Variants in SMOC2 observed in about 807,000 individuals in gnomAD.
The protein encoded by SMOC2 is SPARC related modular calcium binding 2.
In SMOC2, 39 loss-of-function variants were observed where a neutral mutation model predicts 61.4. The observed-to-expected ratio is 0.64, with a 90% CI of 0.49 to 0.83. The LOEUF (loss-of-function observed/expected upper bound fraction) is 0.83. Ranked by LOEUF, SMOC2 falls within the 40% of genes least tolerant of loss-of-function variation. SMOC2 has a pLI of 0.00. For synonymous variants in SMOC2, 247 were observed against 239.9 expected (o/e 1.03, Z -0.27); for missense variants, 556 against 592.9 (o/e 0.94, Z 0.65).
chr6:168,519,216 TGA>T (rs35476270), intron 2 of SMOC2, among the ~76,000 whole-genome samples: 40,248 of 140,994 alleles, frequency 0.29, 7,001 homozygotes, highest in Non-Finnish European at 0.4. Context: ...CATGCGTGTG[TGA>T]GAGAGTGTGT....
rs1010160580 is a variant in SMOC2, at chr6:168,475,582, A to G, written c.84+34128A>G. On this transcript the variant is annotated intron_variant, in intron 1 of 12. Coordinates refer to ENST00000356284, the MANE Select transcript of SMOC2 (RefSeq NM_001166412.2). The surrounding 1 kb of genome is among the most constrained non-coding windows in gnomAD (Gnocchi z 4.6). ...CTTGGGGGACAGGGCATGAAGGCAC[A>G]TGGGTCTGGAAGGCAGTGTCAGGAC... Among the ~76,000 whole-genome samples, 5 of 152,076 alleles carry G rather than the reference A, an allele frequency of 3.3e-5. No homozygotes were observed. In the East Asian group the frequency reaches 5.8e-4, roughly 18 times the overall value.
chr6:168,657,845 T>C (rs146316799), intron 11 of SMOC2, among the ~76,000 whole-genome samples: 1 of 152,174 alleles, frequency 6.6e-6, no homozygotes, highest in Non-Finnish European at 1.5e-5. Context: ...TATAATGGCA[T>C]TCACCTATTC....
chr6:168,456,220 T>A (rs1781583068), intron 1 of SMOC2, among the ~76,000 whole-genome samples: 1 of 152,216 alleles, frequency 6.6e-6, no homozygotes, highest in South Asian at 2.1e-4. Flanking sequence ...CCCACACACA[T>A]CGTTCCCTAA....
chr6:168,629,935 C>T (rs1449191984), intron 9 of SMOC2, among the ~76,000 whole-genome samples: 3 of 152,168 alleles, frequency 2.0e-5, no homozygotes, highest in Non-Finnish European at 2.9e-5. Flanking sequence ...TTGCTTGAAA[C>T]ACCGGGGTGG....
intron 7 of SMOC2, among the ~76,000 whole-genome samples, chr6:168,582,381 T>C (rs1784938809): frequency 6.6e-6 from 1 of 152,096 alleles, no homozygotes; most frequent in South Asian, 2.1e-4. Context: ...TGAGTGTGAG[T>C]GCGTGTGTGA....
intron 11 of SMOC2, among the ~76,000 whole-genome samples, chr6:168,656,281 CGGGT>C (rs1787320176): frequency 6.6e-6 from 1 of 151,974 alleles, no homozygotes; most frequent in Non-Finnish European, 1.5e-5. Flanking sequence ...GAGGCTGAAG[CGGGT>C]GGATCACCTG....
chr6:168,476,878 A>G (rs1456373859), intron 1 of SMOC2, among the ~76,000 whole-genome samples: 1 of 151,040 alleles, frequency 6.6e-6, no homozygotes, highest in African/African-American at 2.4e-5. Flanking sequence ...GCGTTTCTGC[A>G]TGTATGAAAC....
chr6:168,547,713 A>T (rs1238528941), intron 6 of SMOC2, among the ~76,000 whole-genome samples: 1 of 151,988 alleles, frequency 6.6e-6, no homozygotes, highest in South Asian at 2.1e-4. Flanking sequence ...GTATCTAAAC[A>T]TCATGATGTT....
chr6:168,458,175 A>C (rs1231297646), intron 1 of SMOC2, among the ~76,000 whole-genome samples: 1 of 152,192 alleles, frequency 6.6e-6, no homozygotes, highest in South Asian at 2.1e-4. Flanking sequence ...CCCTGGGGCC[A>C]TCAACGTACC....
At chr6:168,599,476 CACACAATCAT>C (rs1449984643) in intron 8 of SMOC2, among the ~76,000 whole-genome samples, 2 of 139,612 alleles carry the variant, frequency 1.4e-5, no homozygotes, top group African/African-American at 2.7e-5. Context: ...CTCACACCCA[CACACAATCAT>C]ACCCCACACA....
chr6:168,512,676 A>G (rs1228562133), intron 2 of SMOC2, among the ~76,000 whole-genome samples: 1 of 152,212 alleles, frequency 6.6e-6, no homozygotes, highest in African/African-American at 2.4e-5. Flanking sequence ...GGTCGCTGCC[A>G]GCTTGTGGAA....
chr6:168,648,237 G>A (rs979427771), intron 9 of SMOC2, among the ~76,000 whole-genome samples: 4 of 152,222 alleles, frequency 2.6e-5, no homozygotes, highest in African/African-American at 9.6e-5. Flanking sequence ...GGCCAGTGGA[G>A]GACTGGAAAT....
chr6:168,601,460 A>G (rs926010055), intron 8 of SMOC2, among the ~76,000 whole-genome samples: 1 of 152,246 alleles, frequency 6.6e-6, no homozygotes, highest in Non-Finnish European at 1.5e-5. Context: ...GCAGGGCTTG[A>G]AGAGAACATA....
rs561696647 is a variant in SMOC2, at chr6:168,484,715, G to A, written c.85-25200G>A. 1.1e-4 allele frequency among the ~76,000 whole-genome samples: 17 copies of A among 152,284 alleles called. No individual in the cohort carries two copies. In the South Asian group the frequency reaches 3.5e-3, roughly 32 times the overall value. On this transcript the variant is annotated intron_variant, in intron 1 of 12. Coordinates refer to ENST00000356284, the MANE Select transcript of SMOC2 (RefSeq NM_001166412.2). The stretch of plus-strand genomic sequence containing the variant: ...CCAAGAGGCCACCAGCAGATGAATA[G>A]ATAAATGAAATGTGGTGTATATACA...
intron 11 of SMOC2, among the ~76,000 whole-genome samples, chr6:168,659,555 G>T (rs1455314634): frequency 1.8e-3 from 269 of 151,912 alleles, no homozygotes; most frequent in East Asian, 2.5e-3. Context: ...GCTGGGTGAG[G>T]ATGGAGGTTG....
At chr6:168,504,115 G>A (rs1265781075) in intron 1 of SMOC2, among the ~76,000 whole-genome samples, 1 of 152,024 alleles carries the variant, frequency 6.6e-6, no homozygotes, top group East Asian at 1.9e-4. Flanking sequence ...ATCCACGTCT[G>A]TGGATTTGCC....
At chr6:168,552,943 C>A (rs904638114) in intron 7 of SMOC2, among the ~76,000 whole-genome samples, 2 of 151,712 alleles carry the variant, frequency 1.3e-5, no homozygotes, top group Non-Finnish European at 2.9e-5. Flanking sequence ...TGAAAATTTG[C>A]ACATAGTAGC....
At chr6:168,539,218 A>G (rs965292127) in intron 4 of SMOC2, among the ~76,000 whole-genome samples, 9 of 152,200 alleles carry the variant, frequency 5.9e-5, no homozygotes, top group Admixed American at 2.0e-4. Context: ...CTTAGATCAA[A>G]AAACTTAAAT....
chr6:168,565,388 G>A (rs917130581), intron 7 of SMOC2, among the ~76,000 whole-genome samples: 1 of 152,076 alleles, frequency 6.6e-6, no homozygotes, highest in Non-Finnish European at 1.5e-5. Context: ...TTCTCTCCGT[G>A]GTCTTCCCTC....
Sources: gnomAD v4.1 joint callset for allele counts (sites outside exome capture counted in the v4.1 genomes callset) on GRCh38, gnomAD v4.1.1 for gene constraint, Gnocchi (gnomAD v3.1) non-coding constraint, MANE v1.5 for transcripts, NCBI Gene and HGNC (gene_info 2026-07-23, HGNC 2026-07-21) for gene names.